ZSWIM5: variants seen among roughly 807,000 people sequenced by gnomAD.
The protein encoded by ZSWIM5 is zinc finger SWIM domain-containing protein 5.
A neutral mutation model predicts 119.6 loss-of-function variants in ZSWIM5; 55 were observed. That is an observed-to-expected ratio of 0.46 (90% CI 0.37 to 0.58). ZSWIM5 has a LOEUF of 0.58. Among genes scored for constraint, ZSWIM5 ranks in the 20% least tolerant of loss-of-function variants. The pLI, the probability that ZSWIM5 is intolerant of heterozygous loss-of-function variation, is 0.00. For missense variants in ZSWIM5, 1,193 were observed against 1,512.8 expected (o/e 0.79, Z 3.51); for synonymous variants, 537 against 606.9 (o/e 0.88, Z 1.69).
chr1:45,073,714 T>A (rs1017577878), intron 2 of ZSWIM5, among the ~76,000 whole-genome samples: 1 of 151,894 alleles, frequency 6.6e-6, no homozygotes, highest in Non-Finnish European at 1.5e-5. Context: ...CCAATTTAAA[T>A]GCCCCTTATT....
intron 2 of ZSWIM5, among the ~76,000 whole-genome samples, chr1:45,078,655 G>A (rs1645269926): frequency 6.6e-6 from 1 of 152,074 alleles, no homozygotes; most frequent in African/African-American, 2.4e-5. Flanking sequence ...CTCACCCAAG[G>A]TTTGCTGTAA....
chr1:45,149,526 A>G (rs568627178), intron 1 of ZSWIM5, among the ~76,000 whole-genome samples: 11 of 152,340 alleles, frequency 7.2e-5, no homozygotes, highest in African/African-American at 2.4e-4. Context: ...ACAAAGCACT[A>G]TCAAGGGACT....
chr1:45,164,114 T>C (rs1645883860), intron 1 of ZSWIM5, among the ~76,000 whole-genome samples: 1 of 152,144 alleles, frequency 6.6e-6, no homozygotes, highest in Non-Finnish European at 1.5e-5. Flanking sequence ...AGACTAACAG[T>C]GGATCTCTCG....
chr1:45,148,996 G>A (rs1645778974), intron 1 of ZSWIM5, among the ~76,000 whole-genome samples: 1 of 152,208 alleles, frequency 6.6e-6, no homozygotes, highest in South Asian at 2.1e-4. Flanking sequence ...GGCTGGGCAT[G>A]GTGGCCCATG....
At chr1:45,205,657 G>A in intron 1 of ZSWIM5, 99 bp downstream of exon 1, 2 of 1,277,084 alleles carry the variant, frequency 1.6e-6, no homozygotes, top group South Asian at 2.8e-5. Flanking sequence ...TACAGGAGTT[G>A]GGCAGAAGGC....
At chr1:45,175,992 C>G (rs1339680528) in intron 1 of ZSWIM5, among the ~76,000 whole-genome samples, 3 of 151,830 alleles carry the variant, frequency 2.0e-5, no homozygotes, top group Admixed American at 6.6e-5. Context: ...CTCTGCCTCA[C>G]CCCTAAATTC....
chr1:45,197,521 T>C (rs1646133698), intron 1 of ZSWIM5, among the ~76,000 whole-genome samples: 1 of 152,244 alleles, frequency 6.6e-6, no homozygotes, highest in Admixed American at 6.5e-5. Flanking sequence ...TGTATGGATA[T>C]ACAACAATTT....
chr1:45,037,197 G>T (rs550701572), intron 8 of ZSWIM5, among the ~76,000 whole-genome samples: 2 of 139,992 alleles, frequency 1.4e-5, no homozygotes, highest in African/African-American at 5.4e-5. Context: ...TGCAACCTCC[G>T]CCTCCTGGGT....
chr1:45,075,279 A>G (rs1303224332), intron 2 of ZSWIM5, among the ~76,000 whole-genome samples: 2 of 151,020 alleles, frequency 1.3e-5, no homozygotes, highest in Non-Finnish European at 2.9e-5. Context: ...TTCTGTCTGG[A>G]AGATGTGTCC....
chr1:45,066,322 T>G (rs571793032), intron 2 of ZSWIM5, among the ~76,000 whole-genome samples: 1 of 152,302 alleles, frequency 6.6e-6, no homozygotes, highest in South Asian at 2.1e-4. Flanking sequence ...ACAGAACCTG[T>G]GCCTGTGCCA....
At chr1:45,192,653 C>A (rs1416763127) in intron 1 of ZSWIM5, among the ~76,000 whole-genome samples, 1 of 152,080 alleles carries the variant, frequency 6.6e-6, no homozygotes, top group Non-Finnish European at 1.5e-5. Flanking sequence ...TCCCTGCTTT[C>A]AATTATTTTG....
chr1:45,019,273 G>T lies in ZSWIM5; in HGVS notation c.2739C>A (p.Leu913=), dbSNP rs778041084. 40 of 1,613,594 alleles carry T rather than the reference G, an allele frequency of 2.5e-5. No individual in the cohort carries two copies. The highest frequency in any genetic ancestry group is 3.1e-5 in the Non-Finnish European group (36 of 1,180,038). ...TACTAGTAGCCTCAGTAGGGGTGAA[G>T]AGTGTGTACCAGCTCTGCAAGATGC... ...LVSILQSWYT[L]FTPTEATSIV... The change falls in exon 14 of 14, where the codon CTC becomes CTA. Residue 913 remains leucine, a synonymous_variant. Transcript: ENST00000359600. The surrounding 1 kb of genome is among the most constrained non-coding windows in gnomAD (Gnocchi z 5.0).
chr1:45,052,129 C>G (rs923671035), intron 4 of ZSWIM5, among the ~76,000 whole-genome samples: 3 of 151,584 alleles, frequency 2.0e-5, no homozygotes, highest in African/African-American at 4.8e-5. Context: ...CAGCGCCCCC[C>G]CTCGCACCCC....
intron 1 of ZSWIM5, among the ~76,000 whole-genome samples, chr1:45,147,339 A>G (rs1645767867): frequency 1.3e-5 from 2 of 152,196 alleles, no homozygotes; most frequent in Non-Finnish European, 2.9e-5. Context: ...TTCTACGTAG[A>G]TACTAATTTA....
At position 45,206,230 on chromosome 1, in the gene ZSWIM5, C is replaced by G. The variant is rs1646190063; in HGVS notation, c.121G>C (p.Gly41Arg). ...HHPRGSPGAA[G>R]GGAGGVGSSC... is the part of the protein sequence containing the mutation. ...CTGCCGACGCCCCCTGCCCCTCCGC[C>G]GGCTGCCCCAGGCGAACCGCGAGGG... Residue 41 changes from glycine to arginine, a missense_variant, in exon 1 of 14, where the codon GGC (glycine) becomes CGC (arginine). By Grantham distance (125) the Gly-to-Arg change is moderately radical. Coordinates refer to ENST00000359600, the MANE Select transcript of ZSWIM5 (RefSeq NM_020883.2). 3 of 1,584,760 alleles carry G rather than the reference C, an allele frequency of 1.9e-6. No homozygotes were observed. In the South Asian group the frequency reaches 3.4e-5, roughly 18 times the overall value.
chr1:45,064,150 A>G (rs1253476456), intron 2 of ZSWIM5, among the ~76,000 whole-genome samples: 1 of 152,182 alleles, frequency 6.6e-6, no homozygotes, highest in Non-Finnish European at 1.5e-5. Context: ...TATTACGCTC[A>G]TGTGCTCAGC....
chr1:45,058,179 A>C (rs1420352156), intron 4 of ZSWIM5, among the ~76,000 whole-genome samples: 5 of 152,222 alleles, frequency 3.3e-5, no homozygotes, highest in African/African-American at 1.2e-4. Context: ...AAAGTTATCA[A>C]GGGAATATAA....
chr1:45,019,466 G>A lies in ZSWIM5; in HGVS notation c.2696-150C>T. 9.3e-7 allele frequency: 1 copy of A among 1,070,736 alleles called. No individual in the cohort carries two copies. Among genetic ancestry groups the A allele is most frequent in the Non-Finnish European group, 1.3e-6 (1 of 763,836 alleles). The allele number at this position is 1,070,736 out of a possible 1,614,324, so 66.3% of individuals were successfully genotyped here. On this transcript the variant is annotated intron_variant, in intron 13 of 13. Transcript: ENST00000359600. This position sits in a 1 kb window ranked among gnomAD's most constrained non-coding sequence, Gnocchi z 5.0. ...TGATATGAGGCAAACCAGGGCAAGG[G>A]GAGCATCCCAGATGGCCAGACCCTG...
intron 1 of ZSWIM5, among the ~76,000 whole-genome samples, chr1:45,155,095 G>T (rs766761264): frequency 2.0e-5 from 3 of 151,948 alleles, no homozygotes; most frequent in Non-Finnish European, 4.4e-5. Context: ...AGAGTAAACA[G>T]ACAACCCACA....
Sources: gnomAD v4.1 joint callset for allele counts (sites outside exome capture counted in the v4.1 genomes callset) on GRCh38, gnomAD v4.1.1 for gene constraint, Gnocchi (gnomAD v3.1) non-coding constraint, MANE v1.5 for transcripts, NCBI Gene and HGNC (gene_info 2026-07-23, HGNC 2026-07-21) for gene names.